The following TCF12 variants were observed in gnomAD, a reference collection of about 807,000 sequenced individuals.
The protein encoded by TCF12 is transcription factor 12.
In TCF12, 45 loss-of-function variants were observed where a neutral mutation model predicts 86.0. The ratio of observed to expected loss-of-function variants is 0.52; its 90% confidence interval spans 0.41 to 0.67. The LOEUF (loss-of-function observed/expected upper bound fraction) is 0.67, where lower values mean the gene tolerates loss of function less well. Among genes scored for constraint, TCF12 ranks in the 30% least tolerant of loss-of-function variants. The pLI is 0.00. For missense variants in TCF12, 881 were observed against 859.9 expected (o/e 1.02, Z -0.31); for synonymous variants, 330 against 299.6 (o/e 1.10, Z -1.05).
In TCF12 at chr15:57,117,480, A is replaced by G. The variant is rs571750641; in HGVS notation, c.325+25589A>G. 1.6e-4 allele frequency among the ~76,000 whole-genome samples: 24 copies of G among 152,368 alleles called. No individual in the cohort carries two copies. The South Asian group carries it at 4.3e-3, about 28-fold the overall frequency. On this transcript the variant is annotated intron_variant, in intron 5 of 20. Coordinates refer to ENST00000333725, the MANE Select transcript of TCF12 (RefSeq NM_207037.2). Reference sequence around the variant, plus strand: ...AGTTGCTATAATTTTAAGCTCTGCCATGAATGAGCAAAACTTCTTTGTTAC... The same window carrying G: ...AGTTGCTATAATTTTAAGCTCTGCCGTGAATGAGCAAAACTTCTTTGTTAC...
intron 4 of TCF12, among the ~76,000 whole-genome samples, chr15:57,072,926 T>C (rs1209931392): frequency 1.3e-5 from 2 of 152,200 alleles, no homozygotes; most frequent in African/African-American, 4.8e-5. Context: ...AACCTAAATG[T>C]TTTTGGATAA....
chr15:57,054,044 T>C (rs1395237018), intron 3 of TCF12, among the ~76,000 whole-genome samples: 2 of 152,150 alleles, frequency 1.3e-5, no homozygotes, highest in Non-Finnish European at 2.9e-5. Context: ...TTTGTGAGTA[T>C]GGAAAGAATT....
At chr15:56,994,795 G>A (rs2063619665) in intron 3 of TCF12, among the ~76,000 whole-genome samples, 1 of 152,054 alleles carries the variant, frequency 6.6e-6, no homozygotes, top group African/African-American at 2.4e-5. Flanking sequence ...CAGCAGACGT[G>A]ATCTAAAAGA....
chr15:57,184,798 T>C (rs546735864), intron 6 of TCF12, among the ~76,000 whole-genome samples: 1 of 152,292 alleles, frequency 6.6e-6, no homozygotes, highest in East Asian at 1.9e-4. Context: ...AATTTCAGTA[T>C]AACATCTATG....
At chr15:57,241,489 A>G (rs1468785053) in intron 12 of TCF12, among the ~76,000 whole-genome samples, 3 of 152,150 alleles carry the variant, frequency 2.0e-5, no homozygotes, top group African/African-American at 7.2e-5. Flanking sequence ...CTTTTTAAAT[A>G]GAGTATACAG....
chr15:57,023,112 G>T (rs1205996185), intron 3 of TCF12, among the ~76,000 whole-genome samples: 1 of 152,104 alleles, frequency 6.6e-6, no homozygotes, highest in Non-Finnish European at 1.5e-5. Context: ...CATACTAAAA[G>T]TTTAGCTGGG....
intron 5 of TCF12, among the ~76,000 whole-genome samples, chr15:57,119,292 T>C (rs1360473258): frequency 6.6e-6 from 1 of 151,234 alleles, no homozygotes; most frequent in African/African-American, 2.4e-5. Flanking sequence ...GTTTGTTTGT[T>C]TTTTTGTTTT....
chr15:57,125,838 AC>A (rs1252062740), intron 5 of TCF12, among the ~76,000 whole-genome samples: 1 of 152,216 alleles, frequency 6.6e-6, no homozygotes, highest in Non-Finnish European at 1.5e-5. Flanking sequence ...CATATAGAAA[AC>A]TAAAACTGTA....
At chr15:56,959,065 G>C (rs1272260277) in intron 3 of TCF12, among the ~76,000 whole-genome samples, 4 of 152,034 alleles carry the variant, frequency 2.6e-5, no homozygotes, top group African/African-American at 9.7e-5. Context: ...TTTACTTCTG[G>C]TGGCAGGTAT....
At chr15:57,166,246 T>C (rs1363649185) in intron 5 of TCF12, among the ~76,000 whole-genome samples, 156 bp from the exon 6 acceptor site, 1 of 152,144 alleles carries the variant, frequency 6.6e-6, no homozygotes, top group Non-Finnish European at 1.5e-5. Context: ...ACTGAAGTGA[T>C]AGCAAGTTTT....
At chr15:56,973,844 A>T (rs1353369948) in intron 3 of TCF12, among the ~76,000 whole-genome samples, 1 of 152,150 alleles carries the variant, frequency 6.6e-6, no homozygotes, top group African/African-American at 2.4e-5. Flanking sequence ...GTCTCCTGAT[A>T]TAGAGCACTG....
At chr15:57,108,733 A>G (rs140709659) in intron 5 of TCF12, among the ~76,000 whole-genome samples, 1 of 152,082 alleles carries the variant, frequency 6.6e-6, no homozygotes, top group African/African-American at 2.4e-5. Context: ...TCAGTGAGCT[A>G]ATTCATAACT....
intron 3 of TCF12, among the ~76,000 whole-genome samples, chr15:57,040,634 C>G (rs1414519744): frequency 1.3e-5 from 2 of 152,064 alleles, no homozygotes; most frequent in African/African-American, 2.4e-5. Flanking sequence ...AGGTCTTTAC[C>G]CTATGGTTTA....
At chr15:57,213,600 A>G (rs1021005238) in intron 8 of TCF12, among the ~76,000 whole-genome samples, 2 of 152,224 alleles carry the variant, frequency 1.3e-5, no homozygotes, top group Non-Finnish European at 2.9e-5. Flanking sequence ...TAAAAAATGA[A>G]TTTAAAATAG....
chr15:57,227,409 C>T (rs1298617314), intron 8 of TCF12, among the ~76,000 whole-genome samples: 1 of 152,062 alleles, frequency 6.6e-6, no homozygotes, highest in Non-Finnish European at 1.5e-5. Flanking sequence ...ACTGAATCAT[C>T]TGAGCAGGAA....
At chr15:57,159,058 T>A (rs2054315375) in intron 5 of TCF12, among the ~76,000 whole-genome samples, 2 of 152,214 alleles carry the variant, frequency 1.3e-5, no homozygotes, top group South Asian at 4.1e-4. Context: ...TTTGAGCAGA[T>A]TACTACCAAA....
chr15:57,105,813 G>A (rs1273469956), intron 5 of TCF12, among the ~76,000 whole-genome samples: 1 of 152,206 alleles, frequency 6.6e-6, no homozygotes, highest in East Asian at 1.9e-4. Context: ...GGGGACATCA[G>A]TGCAAGTTTA....
chr15:57,279,178 G>C (rs550179653), intron 19 of TCF12, among the ~76,000 whole-genome samples: 6 of 150,514 alleles, frequency 4.0e-5, no homozygotes, highest in Non-Finnish European at 7.4e-5. Context: ...AATTTTTGTA[G>C]AGACAGGGTC....
At chr15:57,046,080 C>T (rs1374697746) in intron 3 of TCF12, among the ~76,000 whole-genome samples, 2 of 152,196 alleles carry the variant, frequency 1.3e-5, no homozygotes, top group Non-Finnish European at 1.5e-5. Flanking sequence ...AGATCGTTTA[C>T]ATTTGTTGAG....
Sources: allele counts gnomAD v4.1 joint callset (sites outside exome capture counted in the v4.1 genomes callset), GRCh38; gene constraint gnomAD v4.1.1; transcripts MANE v1.5; gene names NCBI Gene and HGNC (gene_info 2026-07-23, HGNC 2026-07-21).